The following CFAP77 variants were observed in gnomAD, a reference collection of about 807,000 sequenced individuals.
The protein encoded by CFAP77 is cilia- and flagella-associated protein 77.
Under a neutral mutation model 31.1 loss-of-function variants are expected in CFAP77, and 25 were observed. The observed-to-expected ratio is 0.80, with a 90% CI of 0.59 to 1.12. The LOEUF is 1.12. Among genes scored for constraint, CFAP77 ranks in the 50% most tolerant of loss-of-function variants. The probability of loss-of-function intolerance (pLI) is 0.00; values close to 1 mark genes in which losing one functional copy is unlikely to be tolerated. For missense variants in CFAP77, 377 were observed against 397.3 expected (o/e 0.95, Z 0.44); for synonymous variants, 151 against 159.9 (o/e 0.94, Z 0.42).
intron 1 of CFAP77, among the ~76,000 whole-genome samples, chr9:132,414,539 ACG>A (rs1294724530): frequency 1.3e-4 from 19 of 146,822 alleles, no homozygotes; most frequent in Non-Finnish European, 2.4e-4. Flanking sequence ...ACACACACAC[ACG>A]CAGGTATGCA....
At chr9:132,472,299 C>T (rs1157524166) in intron 1 of CFAP77, among the ~76,000 whole-genome samples, 1 of 152,102 alleles carries the variant, frequency 6.6e-6, no homozygotes, top group African/African-American at 2.4e-5. Flanking sequence ...AGAGATGGAC[C>T]AGTCATTTAG....
At chr9:132,452,328 C>G (rs575321767) in intron 1 of CFAP77, among the ~76,000 whole-genome samples, 6 of 152,194 alleles carry the variant, frequency 3.9e-5, no homozygotes, top group Non-Finnish European at 7.3e-5. Context: ...TGAGAACATT[C>G]TTACAGCAGC....
intron 4 of CFAP77, among the ~76,000 whole-genome samples, chr9:132,542,154 T>C (rs1048166589): frequency 2.6e-5 from 4 of 152,358 alleles, no homozygotes; most frequent in African/African-American, 9.6e-5. Flanking sequence ...GCCAGGCCTC[T>C]GTCCCCAGTA....
In CFAP77 at chr9:132,555,828, G is replaced by T. The variant is rs889705842; in HGVS notation, c.732+12781G>T. ...AGCAAATGAGATCTCCGCGTTGTGAGATGGGGGTGAGATTAATATACAAAC... is the reference window on the plus strand; with the variant it reads ...AGCAAATGAGATCTCCGCGTTGTGATATGGGGGTGAGATTAATATACAAAC... On this transcript the variant is annotated intron_variant, in intron 5 of 5. Transcript: ENST00000393216. Among the ~76,000 whole-genome samples the T allele has an allele frequency of 5.9e-5, 9 of 152,156 alleles. 1 individual carries two copies. The highest frequency in any genetic ancestry group is 2.2e-4 in the African/African-American group (9 of 41,430).
chr9:132,568,014 T>G (rs559713357), intron 5 of CFAP77, among the ~76,000 whole-genome samples: 1 of 152,262 alleles, frequency 6.6e-6, no homozygotes, highest in South Asian at 2.1e-4. Flanking sequence ...CATGGACCTA[T>G]CTTTCTGGGA....
intron 1 of CFAP77, among the ~76,000 whole-genome samples, chr9:132,425,436 A>C (rs1464650462): frequency 4.6e-5 from 7 of 152,042 alleles, no homozygotes; most frequent in Admixed American, 4.6e-4. Flanking sequence ...CCCCATGCTG[A>C]AAATGAGATT....
intron 1 of CFAP77, among the ~76,000 whole-genome samples, chr9:132,436,571 T>G (rs1316051737): frequency 6.6e-6 from 1 of 152,232 alleles, no homozygotes; most frequent in African/African-American, 2.4e-5. Context: ...AGAATTTCTC[T>G]TCCTAGTTTT....
In CFAP77 at chr9:132,517,446, G is replaced by A. The variant is rs930278135; in HGVS notation, c.524+17846G>A. 3.9e-5 allele frequency among the ~76,000 whole-genome samples: 6 copies of A among 152,184 alleles called. No homozygotes were observed. The highest frequency in any genetic ancestry group is 2.1e-4 in the South Asian group (1 of 4,826). On this transcript the variant is annotated intron_variant, in intron 3 of 5. Coordinates refer to ENST00000393216, the MANE Select transcript of CFAP77 (RefSeq NM_001282957.2). The surrounding 1 kb of genome is among the most constrained non-coding windows in gnomAD (Gnocchi z 4.7). Reference sequence around the variant, plus strand: ...TTGATTTTCCAGGAAGAAAAAAATCGCCTCTGGCTACTAAACCGAATTAGT... The same window carrying A: ...TTGATTTTCCAGGAAGAAAAAAATCACCTCTGGCTACTAAACCGAATTAGT...
chr9:132,416,160 G>A (rs966889548), intron 1 of CFAP77, among the ~76,000 whole-genome samples: 5 of 151,958 alleles, frequency 3.3e-5, no homozygotes, highest in African/African-American at 1.2e-4. Flanking sequence ...GACCTGGGCT[G>A]TGTTAAACCT....
chr9:132,526,216 G>GTT (rs143050935), intron 3 of CFAP77, among the ~76,000 whole-genome samples: 10 of 148,784 alleles, frequency 6.7e-5, no homozygotes, highest in Non-Finnish European at 1.5e-4. Context: ...TATGTGTTTA[G>GTT]TTTTTTTTTT....
At chr9:132,478,180 C>T (rs1242651942) in intron 1 of CFAP77, among the ~76,000 whole-genome samples, 2 of 152,022 alleles carry the variant, frequency 1.3e-5, no homozygotes, top group African/African-American at 4.8e-5. Context: ...GCCCCATGCG[C>T]CTCTTCCCTT....
chr9:132,571,572 C>G (rs949561258), intron 5 of CFAP77, among the ~76,000 whole-genome samples: 4 of 152,208 alleles, frequency 2.6e-5, no homozygotes, highest in Non-Finnish European at 5.9e-5. Flanking sequence ...GTTCAATAAA[C>G]ATGCATTTCA....
chr9:132,558,615 G>T (rs1439440650), intron 5 of CFAP77, among the ~76,000 whole-genome samples: 2 of 152,180 alleles, frequency 1.3e-5, no homozygotes, highest in Non-Finnish European at 2.9e-5. Flanking sequence ...TGAGGCAGGA[G>T]AATCACTTGA....
chr9:132,570,586 C>T (rs970276736), intron 5 of CFAP77, among the ~76,000 whole-genome samples: 5 of 152,216 alleles, frequency 3.3e-5, no homozygotes, highest in South Asian at 2.1e-4. Flanking sequence ...TATGTAAGCA[C>T]TTGTGGGCAT....
chr9:132,461,358 G>T (rs141752503), intron 1 of CFAP77, among the ~76,000 whole-genome samples: 4 of 152,208 alleles, frequency 2.6e-5, no homozygotes, highest in African/African-American at 9.6e-5. Context: ...TCTGTCTTAC[G>T]CCAGGATGAG....
intron 1 of CFAP77, among the ~76,000 whole-genome samples, chr9:132,471,459 G>A (rs1465993725): frequency 1.3e-5 from 2 of 150,270 alleles, no homozygotes; most frequent in Non-Finnish European, 3.0e-5. Flanking sequence ...CCCCACCGTT[G>A]CCCACACACA....
chr9:132,486,091 T>TATATATA (rs1491144658), intron 1 of CFAP77, among the ~76,000 whole-genome samples: 2 of 15,542 alleles, frequency 1.3e-4, no homozygotes, highest in African/African-American at 6.2e-4. Flanking sequence ...TATATATATA[T>TATATATA]TTTTTTTTTT....
chr9:132,558,995 C>T (rs1383278438), intron 5 of CFAP77, among the ~76,000 whole-genome samples: 1 of 150,964 alleles, frequency 6.6e-6, no homozygotes, highest in Non-Finnish European at 1.5e-5. Flanking sequence ...GCCTAGGTGA[C>T]AGAGCAAGAC....
chr9:132,461,655 C>T (rs1309879552), intron 1 of CFAP77, among the ~76,000 whole-genome samples: 1 of 152,158 alleles, frequency 6.6e-6, no homozygotes, highest in African/African-American at 2.4e-5. Flanking sequence ...GGGGGTTTGT[C>T]GTGGGGGATA....
Sources: gnomAD v4.1 joint callset for allele counts (sites outside exome capture counted in the v4.1 genomes callset) on GRCh38, gnomAD v4.1.1 for gene constraint, Gnocchi (gnomAD v3.1) non-coding constraint, MANE v1.5 for transcripts, NCBI Gene and HGNC (gene_info 2026-07-23, HGNC 2026-07-21) for gene names.